SELP: variants seen among roughly 807,000 people sequenced by gnomAD.
The protein encoded by SELP is P-selectin.
A neutral mutation model predicts 104.1 loss-of-function variants in SELP; 92 were observed. That is an observed-to-expected ratio of 0.88 (90% CI 0.75 to 1.05). The LOEUF (loss-of-function observed/expected upper bound fraction) is 1.05. Ranked by LOEUF, SELP falls within the 50% of genes least tolerant of loss-of-function variation. SELP has a pLI of 0.00. For missense variants in SELP, 1,022 were observed against 1,017.3 expected (o/e 1.00, Z -0.06); for synonymous variants, 397 against 364.5 (o/e 1.09, Z -1.01).
At chr1:169,611,355 T>C (rs777380981) in intron 7 of SELP, 137 bp downstream of exon 7, 5 of 795,912 alleles carry the variant, frequency 6.3e-6, no homozygotes, top group East Asian at 2.6e-5. Flanking sequence ...GAGAAAACCA[T>C]GGTTCCTGGA....
At chr1:169,626,516 G>A (rs571487673) in intron 1 of SELP, among the ~76,000 whole-genome samples, 1 of 152,238 alleles carries the variant, frequency 6.6e-6, no homozygotes, top group Admixed American at 6.5e-5. Flanking sequence ...AGGAGACAGA[G>A]GTTGCAGTGA....
chr1:169,629,142 C>T (rs1181476224), intron 1 of SELP, among the ~76,000 whole-genome samples: 1 of 152,202 alleles, frequency 6.6e-6, no homozygotes, highest in Admixed American at 6.5e-5. Flanking sequence ...GTAGCTTAAC[C>T]ATGTGCATTT....
At chr1:169,613,779 C>A in intron 3 of SELP, 86 bp from the exon 4 acceptor site, 1 of 1,093,454 alleles carries the variant, frequency 9.1e-7, no homozygotes, top group Non-Finnish European at 1.4e-6. Flanking sequence ...AGACTCATCC[C>A]CTCTCAGATA....
In SELP at chr1:169,624,956, A is replaced by G. The variant is rs141330882; in HGVS notation, c.3+5116T>C. On this transcript the variant is annotated intron_variant, in intron 1 of 16. Transcript: ENST00000263686. Reference sequence around the variant, plus strand: ...AGGAGATCTTGTTCTTTTTGTCTACATTGTAGACCACAGCTTTGTGCTTTT... The same window carrying G: ...AGGAGATCTTGTTCTTTTTGTCTACGTTGTAGACCACAGCTTTGTGCTTTT... Among the ~76,000 whole-genome samples the G allele has an allele frequency of 7.3e-4, 111 of 152,306 alleles. 1 individual carries two copies. The highest frequency in any genetic ancestry group is 2.6e-3 in the African/African-American group (110 of 41,570).
At chr1:169,612,434 C>A in intron 5 of SELP, 32 bp from the exon 6 acceptor site, 1 of 1,605,384 alleles carries the variant, frequency 6.2e-7, no homozygotes, top group Non-Finnish European at 8.5e-7. Flanking sequence ...TAGTGTGAGT[C>A]CTTGGACAAA....
At position 169,590,187 on chromosome 1, in the gene SELP, A is replaced by G. The variant is rs777146592; in HGVS notation, c.2454T>C (p.Tyr818=). ...PLNPHSHLGT[Y]GVFTNAAFDP... ...CAAATGCAGCGTTTGTAAAAACTCC[A>G]TATGTTCCTAGGTGGCTAAAGAACA... The change falls in exon 16 of 17, where the codon TAT becomes TAC. Residue 818 remains tyrosine, a synonymous_variant. Coordinates refer to ENST00000263686, the MANE Select transcript of SELP (RefSeq NM_003005.4). 6.2e-6 allele frequency: 10 copies of G among 1,613,014 alleles called. No homozygotes were observed. Among genetic ancestry groups the G allele is most frequent in the South Asian group, 3.3e-5 (3 of 91,060 alleles).
At chr1:169,608,849 T>TA (rs892858957) in intron 8 of SELP, among the ~76,000 whole-genome samples, 57 of 152,006 alleles carry the variant, frequency 3.7e-4, no homozygotes, top group African/African-American at 1.3e-3. Context: ...GTACTCCTCG[T>TA]AAAAAAAATA....
At chr1:169,596,734 G>A (rs566671464) in intron 11 of SELP, among the ~76,000 whole-genome samples, 109 of 152,232 alleles carry the variant, frequency 7.2e-4, no homozygotes, top group African/African-American at 1.8e-3. Context: ...AGACCATTCC[G>A]TTCACTCAAC....
At chr1:169,599,876 A>C (rs1199532397) in intron 10 of SELP, among the ~76,000 whole-genome samples, 1 of 151,956 alleles carries the variant, frequency 6.6e-6, no homozygotes, top group African/African-American at 2.4e-5. Flanking sequence ...TGGAACCAGG[A>C]CCCCTCCCCA....
chr1:169,609,647 A>G lies in SELP; in HGVS notation c.1190T>C (p.Met397Thr), dbSNP rs1378461202. Residue 397 changes from methionine (M) to threonine (T), a missense_variant, in exon 8 of 17, where the codon ATG becomes ACG. By Grantham distance (81) the Met-to-Thr change is moderately conservative (BLOSUM62 -1). Transcript: ENST00000263686. ...EPLESPVHGS[M>T]DCSPSLRAFQ... Reference sequence around the variant, plus strand: ...CGCTCTCAAGGATGGAGAGCAATCCATGCTTCCGTGGACAGGACTCTCCAG... The same window carrying G: ...CGCTCTCAAGGATGGAGAGCAATCCGTGCTTCCGTGGACAGGACTCTCCAG... 8.7e-6 allele frequency: 14 copies of G among 1,613,812 alleles called. No homozygotes were observed. The highest frequency in any genetic ancestry group is 1.2e-5 in the Non-Finnish European group (14 of 1,179,946).
At chr1:169,603,572 G>A (rs1662032591) in intron 9 of SELP, among the ~76,000 whole-genome samples, 1 of 152,070 alleles carries the variant, frequency 6.6e-6, no homozygotes, top group South Asian at 2.1e-4. Context: ...TCTAGACAGG[G>A]GTGGAACTGG....
chr1:169,590,275 T>C (rs1661291093), intron 15 of SELP, 73 bp from the exon 16 acceptor site: 1 of 1,117,608 alleles, frequency 8.9e-7, no homozygotes, highest in African/African-American at 1.6e-5. Context: ...ACACATAGTA[T>C]TTCCAGAAAC....
At chr1:169,593,560 G>T (rs753598704) in intron 14 of SELP, 45 bp downstream of exon 14, 9 of 1,573,310 alleles carry the variant, frequency 5.7e-6, no homozygotes, top group South Asian at 2.3e-5. Flanking sequence ...AATTTCTTTT[G>T]ATTTATGTAA....
intron 8 of SELP, among the ~76,000 whole-genome samples, chr1:169,608,256 T>C (rs1447428315): frequency 1.3e-5 from 2 of 152,024 alleles, no homozygotes; most frequent in East Asian, 3.8e-4. Context: ...AGTTCAGTGG[T>C]ATTAAGCACA....
In SELP at chr1:169,603,142, G is replaced by A. The variant is rs1312281265; in HGVS notation, c.1589C>T (p.Ser530Phe). 2 of 1,614,080 alleles carry A rather than the reference G, an allele frequency of 1.2e-6. No individual in the cohort carries two copies. Among genetic ancestry groups the A allele is most frequent in the Non-Finnish European group, 1.7e-6 (2 of 1,179,990 alleles). The part of the protein sequence containing the change: ...TMTCVQPLGS[S>F]SYKSTCQFIC... ...GAATTGACATGTGGATTTATAACTG[G>A]AACTTCCAAGAGGTTGAACACAGGT... Residue 530 changes from serine to phenylalanine, a missense_variant, in exon 10 of 17, where the codon TCC (serine) becomes TTC (phenylalanine). Coordinates refer to ENST00000263686, the MANE Select transcript of SELP (RefSeq NM_003005.4).
intron 1 of SELP, among the ~76,000 whole-genome samples, chr1:169,622,129 T>G (rs1663165496): frequency 6.6e-6 from 1 of 152,250 alleles, no homozygotes; most frequent in African/African-American, 2.4e-5. Flanking sequence ...ATTCCAGAGC[T>G]TTGCCTTTGG....
intron 9 of SELP, among the ~76,000 whole-genome samples, chr1:169,604,885 A>G (rs1240953712): frequency 6.6e-6 from 1 of 152,194 alleles, no homozygotes; most frequent in Non-Finnish European, 1.5e-5. Context: ...AAATTGTCTG[A>G]TAACACTCTC....
In SELP at chr1:169,617,108, A is replaced by G; in HGVS notation, c.401T>C (p.Ile134Thr). ...AGGGGCTGACGGACTCTTGATGTAT[A>G]TCTCCACGCAGTCCTCGTTGTTCCT... ...NKRNNEDCVEIYIKSPSAPGK... is the reference protein window; with the variant it reads ...NKRNNEDCVETYIKSPSAPGK... The change falls in exon 3 of 17, where the codon ATA becomes ACA. Residue 134 changes from isoleucine (I) to threonine (T), a missense_variant. Transcript: ENST00000263686. 1 of 1,613,708 alleles carries G rather than the reference A, an allele frequency of 6.2e-7. No individual in the cohort carries two copies.
rs777732544 is a variant in SELP, at chr1:169,613,711, G to A, written c.482-18C>T. 2.5e-6 allele frequency: 4 copies of A among 1,603,784 alleles called. No homozygotes were observed. The highest frequency in any genetic ancestry group is 1.7e-5 in the Admixed American group (1 of 59,960). On this transcript the variant is annotated intron_variant, in intron 3 of 16. Transcript: ENST00000263686. The stretch of plus-strand genomic sequence containing the variant: ...GCAGGAGGCTGCATAGATATGGAAA[G>A]GTCAGAGTCATGGACATTCACAGAT...
Sources: gnomAD v4.1 joint callset for allele counts (sites outside exome capture counted in the v4.1 genomes callset) on GRCh38, gnomAD v4.1.1 for gene constraint, MANE v1.5 for transcripts, NCBI Gene and HGNC (gene_info 2026-07-23, HGNC 2026-07-21) for gene names.